CCDC88A: variants seen among roughly 807,000 people sequenced by gnomAD.
CCDC88A encodes coiled-coil and HOOK domain protein 88A, also known as girdin.
Under a neutral mutation model 234.3 loss-of-function variants are expected in CCDC88A, and 54 were observed. The observed-to-expected ratio is 0.23, with a 90% CI of 0.19 to 0.29. The LOEUF (loss-of-function observed/expected upper bound fraction) is 0.29, where lower values mean the gene tolerates loss of function less well. Among genes scored for constraint, CCDC88A ranks in the 10% least tolerant of loss-of-function variants. The pLI is 1.00. For synonymous variants in CCDC88A, 753 were observed against 737.8 expected, an observed-to-expected ratio of 1.02 and a Z score of -0.33; for missense variants, 1,832 against 2,123.4, an observed-to-expected ratio of 0.86 and a Z score of 2.70.
At chr2:55,370,464 A>G (rs1672647975) in intron 5 of CCDC88A, among the ~76,000 whole-genome samples, 2 of 151,776 alleles carry the variant, frequency 1.3e-5, no homozygotes, top group Admixed American at 1.3e-4. Flanking sequence ...CAACATGGTG[A>G]AACCCTGTCT....
At chr2:55,411,863 T>C (rs1438156934) in intron 2 of CCDC88A, among the ~76,000 whole-genome samples, 1 of 149,056 alleles carries the variant, frequency 6.7e-6, no homozygotes, top group African/African-American at 2.5e-5. Flanking sequence ...TATATTCTAA[T>C]ACTATAAAAA....
intron 29 of CCDC88A, among the ~76,000 whole-genome samples, chr2:55,298,969 G>A (rs1328958403): frequency 1.3e-5 from 2 of 151,962 alleles, no homozygotes; most frequent in East Asian, 1.9e-4. Context: ...GGAGGCCAAG[G>A]CAGGTGGATC....
rs1042425486 is a variant in CCDC88A at position 55,328,277 on chromosome 2, C to A, written c.2997+17G>T. The A allele has an allele frequency of 1.6e-5, 24 of 1,540,156 alleles. No individual in the cohort carries two copies. Among genetic ancestry groups the A allele is most frequent in the Non-Finnish European group, 2.1e-5 (24 of 1,143,754 alleles). ...TAATAAATGATCCTTAAAATTCTTTCCAAGAAAATCACTTACTGTTTTAAG... is the reference window on the plus strand; with the variant it reads ...TAATAAATGATCCTTAAAATTCTTTACAAGAAAATCACTTACTGTTTTAAG... On this transcript the variant is annotated intron_variant, in intron 17 of 32. Coordinates refer to ENST00000436346, the MANE Select transcript of CCDC88A (RefSeq NM_001365480.1). The surrounding 1 kb of genome is among the most constrained non-coding windows in gnomAD (Gnocchi z 4.3).
rs146140798 is a variant in CCDC88A, at chr2:55,326,109, A to G, written c.2997+2185T>C. 3.3e-5 allele frequency among the ~76,000 whole-genome samples: 5 copies of G among 151,866 alleles called. No homozygotes were observed. In the South Asian group the frequency reaches 1.0e-3, roughly 31 times the overall value. On this transcript the variant is annotated intron_variant, in intron 17 of 32. Coordinates refer to ENST00000436346, the MANE Select transcript of CCDC88A (RefSeq NM_001365480.1). ...ATAGTTATTGCCATACTTTGGTTTA[A>G]AACTGCCATCTTACTATTTGTTTTC...
intron 17 of CCDC88A, among the ~76,000 whole-genome samples, chr2:55,326,752 G>A (rs751462277): frequency 6.6e-6 from 1 of 152,112 alleles, no homozygotes; most frequent in Non-Finnish European, 1.5e-5. Context: ...TGTATTTTTA[G>A]TAGAGACAGG....
At chr2:55,392,247 C>G (rs963502602) in intron 2 of CCDC88A, among the ~76,000 whole-genome samples, 1 of 152,176 alleles carries the variant, frequency 6.6e-6, no homozygotes, top group African/African-American at 2.4e-5. Context: ...TTATTTACAT[C>G]TTGATGTGTA....
intron 10 of CCDC88A, 39 bp downstream of exon 10, chr2:55,346,136 C>T: frequency 6.8e-7 from 1 of 1,476,592 alleles, no homozygotes; most frequent in Non-Finnish European, 9.2e-7. Context: ...AATTCTAACA[C>T]AGAAAAAAAA....
chr2:55,388,417 C>T (rs1270276127), intron 3 of CCDC88A: 1 of 147,740 alleles, frequency 6.8e-6, no homozygotes, highest in East Asian at 1.9e-4. Context: ...TATTTAAAAA[C>T]GAAAATATGC....
At chr2:55,294,037 A>G in intron 31 of CCDC88A, 1 of 156,546 alleles carries the variant, frequency 6.4e-6, no homozygotes, top group Non-Finnish European at 1.4e-5. Flanking sequence ...GTGATTATTC[A>G]TTTAAAAAAA....
chr2:55,334,734 T>C lies in CCDC88A; in HGVS notation c.2087A>G (p.Asn696Ser), dbSNP rs747793682. 1 of 1,612,516 alleles carries C rather than the reference T, an allele frequency of 6.2e-7. No individual in the cohort carries two copies. Reference sequence around the variant, plus strand: ...TAAGTTTTCCTCATCAAGTTGGGAATTCTCTTTTTCTAGGGATTCTAACTG... The same window carrying C: ...TAAGTTTTCCTCATCAAGTTGGGAACTCTCTTTTTCTAGGGATTCTAACTG... Reference protein sequence around the residue: ...TFQLESLEKENSQLDEENLEL... With the variant: ...TFQLESLEKESSQLDEENLEL... Residue 696 changes from asparagine (N) to serine (S), a missense_variant, in exon 15 of 33, where the codon AAT becomes AGT. Transcript: ENST00000436346. This position sits in a 1 kb window ranked among gnomAD's most constrained non-coding sequence, Gnocchi z 6.1.
At chr2:55,393,830 T>C (rs1020636902) in intron 2 of CCDC88A, among the ~76,000 whole-genome samples, 1 of 152,250 alleles carries the variant, frequency 6.6e-6, no homozygotes, top group African/African-American at 2.4e-5. Flanking sequence ...TAGAACTGCA[T>C]TTAATGTTTC....
Position 55,309,006 on chromosome 2 carries a change from G to A in CCDC88A, c.4190C>T (p.Thr1397Ile), listed in dbSNP as rs1681987883. ...SPPRRRGNWI[T>I]LKMRKLIKSK... ...CTTTATCAATTTTCTCATTTTTAGA[G>A]TAATCCAGTTGCCTCTCCTAACAGA... Residue 1397 changes from threonine to isoleucine, a missense_variant, in exon 25 of 33, where the codon ACT becomes ATT. Transcript: ENST00000436346. The surrounding 1 kb of genome is among the most constrained non-coding windows in gnomAD (Gnocchi z 5.1). 1 of 1,612,886 alleles carries A rather than the reference G, an allele frequency of 6.2e-7. No individual in the cohort carries two copies. The highest frequency in any genetic ancestry group is 8.5e-7 in the Non-Finnish European group (1 of 1,178,976).
intron 2 of CCDC88A, chr2:55,404,383 TA>T (rs1268063187): frequency 6.6e-6 from 1 of 152,158 alleles, no homozygotes; most frequent in East Asian, 1.9e-4. Flanking sequence ...GAGAGTAGAA[TA>T]AGATTACCAC....
At chr2:55,349,432 T>C (rs187591288) in intron 9 of CCDC88A, 86 bp downstream of exon 9, 149 of 948,224 alleles carry the variant, frequency 1.6e-4, no homozygotes, top group Admixed American at 1.4e-3. Flanking sequence ...ACATAAAGCA[T>C]TGAAGTAAAG....
intron 25 of CCDC88A, among the ~76,000 whole-genome samples, chr2:55,304,351 C>T (rs1019234126): frequency 3.3e-5 from 5 of 152,126 alleles, no homozygotes; most frequent in Non-Finnish European, 5.9e-5. Flanking sequence ...GTTCATTACA[C>T]TTCAGTAAAG....
Position 55,332,717 on chromosome 2 carries a change from C to G in CCDC88A, c.2728-24G>C. 1.2e-6 allele frequency: 2 copies of G among 1,602,442 alleles called. No individual in the cohort carries two copies. The highest frequency in any genetic ancestry group is 8.5e-7 in the Non-Finnish European group (1 of 1,172,876). ...TCCTTATTTTAAAAGAAATGCAAAACTCACCTAAGTGTCAAGGGTATAAAC... is the reference window on the plus strand; with the variant it reads ...TCCTTATTTTAAAAGAAATGCAAAAGTCACCTAAGTGTCAAGGGTATAAAC... On this transcript the variant is annotated intron_variant, in intron 15 of 32. Coordinates refer to ENST00000436346, the MANE Select transcript of CCDC88A (RefSeq NM_001365480.1). This position sits in a 1 kb window ranked among gnomAD's most constrained non-coding sequence, Gnocchi z 4.5.
At position 55,346,065 on chromosome 2, in the gene CCDC88A, ACT is replaced by A. The variant is rs1352058936; in HGVS notation, c.1041+108_1041+109del. On this transcript the variant is annotated intron_variant, in intron 10 of 32. Transcript: ENST00000436346. The stretch of plus-strand genomic sequence containing the variant: ...AAAATAAACATACCCAAATGTATTT[ACT>A]GTTTGTTCACCATTTCAAGAGTTTC... 4.3e-6 allele frequency: 3 copies of A among 698,276 alleles called. No individual in the cohort carries two copies. In the African/African-American group the frequency reaches 5.5e-5, roughly 13 times the overall value. The allele number at this position is 698,276 out of a possible 1,614,324, so 43.3% of individuals were successfully genotyped here.
intron 7 of CCDC88A, among the ~76,000 whole-genome samples, chr2:55,359,874 T>A (rs1237577386): frequency 1.6e-5 from 1 of 62,182 alleles, no homozygotes; most frequent in Non-Finnish European, 3.2e-5. Context: ...ACAGGTGACC[T>A]ATTAATTCTA....
chr2:55,383,185 T>C (rs1306882126), intron 3 of CCDC88A, among the ~76,000 whole-genome samples: 1 of 152,152 alleles, frequency 6.6e-6, no homozygotes, highest in East Asian at 1.9e-4. Flanking sequence ...TCTGTCAATA[T>C]TCTTTTCTCC....
Sources: allele counts gnomAD v4.1 joint callset (sites outside exome capture counted in the v4.1 genomes callset), GRCh38; gene constraint gnomAD v4.1.1; non-coding constraint Gnocchi (gnomAD v3.1); transcripts MANE v1.5; gene names NCBI Gene and HGNC (gene_info 2026-07-23, HGNC 2026-07-21).